Variants in RAG1 observed in about 807,000 individuals in gnomAD.
RAG1 encodes recombination activating 1.
In RAG1, 35 loss-of-function variants were observed where a neutral mutation model predicts 62.7. The observed-to-expected ratio is 0.56, with a 90% CI of 0.43 to 0.74. The LOEUF is 0.74. RAG1 is among the 30% of genes least tolerant of loss of function. The pLI is 0.00. For missense variants in RAG1, 1,169 were observed against 1,278.6 expected (o/e 0.91, Z 1.31); for synonymous variants, 461 against 470.3 (o/e 0.98, Z 0.26).
rs191152742 is a variant in RAG1, at chr11:36,557,535, G to T, written c.-411-5850G>T. Among the ~76,000 whole-genome samples the T allele has an allele frequency of 2.3e-3, 343 of 151,292 alleles. 2 individuals are homozygous for T. The highest frequency in any genetic ancestry group is 8.1e-3 in the African/African-American group (331 of 40,806). On this transcript the variant is annotated intron_variant and NMD_transcript_variant, in intron 3 of 9. Transcript: ENST00000534663. ...TGGCACTCCCTAGTGACAGGAACCCGGTACCTCAGATGGAAATGCAGAAAT... is the reference window on the plus strand; with the variant it reads ...TGGCACTCCCTAGTGACAGGAACCCTGTACCTCAGATGGAAATGCAGAAAT...
chr11:36,541,946 C>T (rs1233665406), intron 3 of RAG1, among the ~76,000 whole-genome samples: 2 of 152,078 alleles, frequency 1.3e-5, no homozygotes, highest in African/African-American at 2.4e-5. Context: ...AGATTGTGAC[C>T]CCATAGTACT....
At chr11:36,561,854 C>T (rs1850589376) in intron 3 of RAG1, among the ~76,000 whole-genome samples, 2 of 152,200 alleles carry the variant, frequency 1.3e-5, no homozygotes, top group South Asian at 2.1e-4. Context: ...CCTCATCTCT[C>T]TCTATTTTAT....
intron 2 of RAG1, among the ~76,000 whole-genome samples, chr11:36,534,749 T>A (rs1041562038): frequency 1.3e-5 from 2 of 152,220 alleles, no homozygotes; most frequent in African/African-American, 4.8e-5. Context: ...CCTTTCATTT[T>A]TCTTTCCTTT....
At chr11:36,538,082 A>G (rs1047199200), downstream of RAG1, among the ~76,000 whole-genome samples, 10 of 152,150 alleles carry the variant, frequency 6.6e-5, no homozygotes, top group Non-Finnish European at 1.0e-4. Context: ...CCTTATAGGA[A>G]CAAAAGTAAA....
intron 3 of RAG1, among the ~76,000 whole-genome samples, chr11:36,545,315 T>C (rs371613541): frequency 1.3e-4 from 20 of 152,260 alleles, no homozygotes; most frequent in African/African-American, 4.3e-4. Flanking sequence ...ATAGGATATA[T>C]GAAGAGGGAG....
intron 1 of RAG1, among the ~76,000 whole-genome samples, chr11:36,514,113 A>G (rs1859963741): frequency 6.6e-6 from 1 of 152,158 alleles, no homozygotes; most frequent in Admixed American, 6.5e-5. Flanking sequence ...TGAGCAACTG[A>G]GCCCTCTTGC....
At chr11:36,526,302 C>T (rs559840550) in intron 2 of RAG1, among the ~76,000 whole-genome samples, 56 of 144,862 alleles carry the variant, frequency 3.9e-4, no homozygotes, top group African/African-American at 1.3e-3. Context: ...TCTCATTATC[C>T]AACTGCCAAT....
chr11:36,569,844 A>G (rs1186615907), intron 1 of RAG1, among the ~76,000 whole-genome samples: 2 of 152,222 alleles, frequency 1.3e-5, no homozygotes, highest in Non-Finnish European at 2.9e-5. Flanking sequence ...GTGATTTCAT[A>G]TATGTACAAA....
At chr11:36,544,296 T>A (rs1005687310) in intron 3 of RAG1, among the ~76,000 whole-genome samples, 2 of 152,114 alleles carry the variant, frequency 1.3e-5, no homozygotes, top group African/African-American at 4.8e-5. Context: ...ATTATTAACA[T>A]AGAAGGGTCG....
rs150904510 is a variant in RAG1 at position 36,529,656 on chromosome 11, A to T, written n.429-6303A>T. ...AAGTTCTGGCCATGGCAATCTGGCA[A>T]GAGAAAGAAATAAAGGGCATTCAAT... On this transcript the variant is annotated intron_variant and non_coding_transcript_variant, in intron 2 of 2. Transcript: ENST00000529126. 4.0e-3 allele frequency among the ~76,000 whole-genome samples: 610 copies of T among 152,288 alleles called. 9 individuals carry two copies. Among genetic ancestry groups the T allele is most frequent in the Admixed American group, 0.034 (520 of 15,282 alleles).
chr11:36,541,945 C>A (rs1292490423), intron 3 of RAG1, among the ~76,000 whole-genome samples: 2 of 152,094 alleles, frequency 1.3e-5, no homozygotes, highest in Admixed American at 6.5e-5. Flanking sequence ...AAGATTGTGA[C>A]CCCATAGTAC....
downstream of RAG1, among the ~76,000 whole-genome samples, chr11:36,540,279 ACAG>A (rs773139602): frequency 6.6e-6 from 1 of 152,210 alleles, no homozygotes; most frequent in Non-Finnish European, 1.5e-5. Flanking sequence ...ACAACCTGCT[ACAG>A]CTCTAAGATT....
At position 36,574,772 on chromosome 11, in the gene RAG1, A is replaced by G. The variant is rs1590703120; in HGVS notation, c.1468A>G (p.Thr490Ala). Reference protein sequence around the residue: ...SCSQYHKMYRTVKAITGRQIF... With the variant: ...SCSQYHKMYRAVKAITGRQIF... ...CAGTCAGTACCACAAGATGTACAGG[A>G]CTGTGAAAGCCATCACAGGGAGACA... Residue 490 changes from threonine (T) to alanine (A), a missense_variant, in exon 2 of 2, where the codon ACT becomes GCT. Thr to Ala is a moderately conservative substitution (Grantham distance 58). Around this residue, in one of 2 missense-constraint regions of RAG1, gnomAD observed 800 missense variants for 943.3 expected, o/e 0.85. Transcript: ENST00000299440. 6.2e-7 allele frequency: 1 copy of G among 1,614,212 alleles called. No individual in the cohort carries two copies. The highest frequency in any genetic ancestry group is 8.5e-7 in the Non-Finnish European group (1 of 1,180,034).
At chr11:36,511,508 A>G (rs1044017516) in intron 1 of RAG1, among the ~76,000 whole-genome samples, 2 of 152,208 alleles carry the variant, frequency 1.3e-5, no homozygotes, top group Non-Finnish European at 1.5e-5. Flanking sequence ...TATGGGCTCA[A>G]TAAATGTTAC....
intron 1 of RAG1, among the ~76,000 whole-genome samples, chr11:36,515,984 C>T (rs1859989869): frequency 6.6e-6 from 1 of 152,148 alleles, no homozygotes; most frequent in Admixed American, 6.5e-5. Flanking sequence ...TGGTCACGCT[C>T]ATTTTTCCTG....
chr11:36,559,084 C>T (rs180970158), intron 3 of RAG1, among the ~76,000 whole-genome samples: 16 of 152,220 alleles, frequency 1.1e-4, no homozygotes, highest in Admixed American at 8.5e-4. Context: ...GTTTCTCCTT[C>T]ATTTCTGAGG....
chr11:36,548,783 A>T (rs1235265881), intron 3 of RAG1, among the ~76,000 whole-genome samples: 1 of 152,220 alleles, frequency 6.6e-6, no homozygotes, highest in African/African-American at 2.4e-5. Flanking sequence ...TTTAAATTTC[A>T]TATGGAACCA....
chr11:36,561,517 C>T (rs1850583164), intron 3 of RAG1, among the ~76,000 whole-genome samples: 1 of 152,020 alleles, frequency 6.6e-6, no homozygotes, highest in Admixed American at 6.5e-5. Context: ...AAACATTATT[C>T]CTCGGTGTGT....
chr11:36,530,064 G>A (rs1224477556), intron 2 of RAG1, among the ~76,000 whole-genome samples: 2 of 151,866 alleles, frequency 1.3e-5, no homozygotes, highest in African/African-American at 4.8e-5. Context: ...TGTTTTTTGA[G>A]GAATTAGTCC....
Sources: gnomAD v4.1 joint callset for allele counts (sites outside exome capture counted in the v4.1 genomes callset) on GRCh38, gnomAD v4.1.1 for gene constraint, gnomAD v4.1.1 regional missense constraint, MANE v1.5 for transcripts, NCBI Gene and HGNC (gene_info 2026-07-23, HGNC 2026-07-21) for gene names.